The following MTERF4 variants were observed in gnomAD, a reference collection of about 807,000 sequenced individuals.
MTERF4 encodes the protein transcription termination factor 4, mitochondrial.
In MTERF4, 17 loss-of-function variants were observed where a neutral mutation model predicts 22.5. The observed-to-expected ratio is 0.75, with a 90% CI of 0.52 to 1.13. MTERF4 has a LOEUF of 1.13. MTERF4 is among the 50% of genes most tolerant of loss of function. MTERF4 has a pLI of 0.00. For missense variants in MTERF4, 420 were observed against 466.8 expected, an observed-to-expected ratio of 0.90 and a Z score of 0.92; for synonymous variants, 165 against 175.3, an observed-to-expected ratio of 0.94 and a Z score of 0.47.
chr2:241,077,032 T>C (rs1332161996), intron 4 of MTERF4, among the ~76,000 whole-genome samples: 2 of 151,668 alleles, frequency 1.3e-5, no homozygotes, highest in Admixed American at 6.6e-5. Flanking sequence ...TGAGCTGAGA[T>C]TGCGCCACTG....
At chr2:241,100,684 TTTC>T (rs910550704) in intron 1 of MTERF4, among the ~76,000 whole-genome samples, 200 of 152,272 alleles carry the variant, frequency 1.3e-3, no homozygotes, top group African/African-American at 4.5e-3. Context: ...TGAATAACGT[TTTC>T]TTTTCTCTAG....
chr2:241,091,305 G>T (rs962416160), downstream of MTERF4, among the ~76,000 whole-genome samples: 1 of 152,228 alleles, frequency 6.6e-6, no homozygotes, highest in South Asian at 2.1e-4. This position sits in a 1 kb window ranked among gnomAD's most constrained non-coding sequence, Gnocchi z 4.1. Flanking sequence ...AGTCGTTACC[G>T]GAAGGAGGAG....
downstream of MTERF4, among the ~76,000 whole-genome samples, chr2:241,085,242 G>A (rs754787483): frequency 2.6e-5 from 4 of 151,964 alleles, no homozygotes; most frequent in East Asian, 1.9e-4. Flanking sequence ...CCAGTTATGC[G>A]TGTATTAGAC....
the MTERF4 span, among the ~76,000 whole-genome samples, chr2:241,059,480 C>T: frequency 6.6e-6 from 1 of 152,182 alleles, no homozygotes; most frequent in Non-Finnish European, 1.5e-5. Flanking sequence ...ACAGACACTA[C>T]AAAATTTGAA....
chr2:241,066,468 G>A, the MTERF4 span, among the ~76,000 whole-genome samples: 1 of 152,200 alleles, frequency 6.6e-6, no homozygotes, highest in South Asian at 2.1e-4. Flanking sequence ...GAACAGGCTG[G>A]GCAGGAACCA....
At chr2:241,094,008 CT>C (rs2064220141), downstream of MTERF4, 1 of 253,882 alleles carries the variant, frequency 3.9e-6, no homozygotes, top group African/African-American at 2.3e-5. The surrounding 1 kb of genome is among the most constrained non-coding windows in gnomAD (Gnocchi z 4.3). Flanking sequence ...CTACTTAGTC[CT>C]CCGACTGGGT....
In MTERF4 at chr2:241,096,016, GTCCTCA is replaced by G. The variant is rs754248094; in HGVS notation, c.1122_1127del (p.Glu375_Asp376del). On this transcript the variant is annotated inframe_deletion, in exon 4 of 4. Coordinates refer to ENST00000391980, the MANE Select transcript of MTERF4 (RefSeq NM_182501.4). This position sits in a 1 kb window ranked among gnomAD's most constrained non-coding sequence, Gnocchi z 5.1. ...ATCACAGCTATTCCTCCTCGTCGTC[GTCCTCA>G]TCCTCATCATTGTCCTCCGCCTCGT... The G allele has an allele frequency of 3.3e-5, 53 of 1,613,552 alleles. No homozygotes were observed. The highest frequency in any genetic ancestry group is 4.2e-5 in the Non-Finnish European group (50 of 1,179,836).
exon 5 of MTERF4, chr2:241,072,984 G>A: frequency 4.2e-6 from 2 of 475,420 alleles, no homozygotes; most frequent in Non-Finnish European, 7.4e-6. Context: ...CCGTGAGGAT[G>A]GGGCCTCTCA....
At chr2:241,065,755 G>A in the MTERF4 span, among the ~76,000 whole-genome samples, 1 of 152,234 alleles carries the variant, frequency 6.6e-6, no homozygotes, top group Non-Finnish European at 1.5e-5. Flanking sequence ...CCGCCCTGCT[G>A]GAGACAGAGC....
the MTERF4 span, chr2:241,052,212 A>G: frequency 1.3e-6 from 2 of 1,521,638 alleles, no homozygotes; most frequent in Non-Finnish European, 9.1e-7. Context: ...CTCTCTGCAG[A>G]TGTGAAAACA....
At chr2:241,062,937 G>GCTGCAGCAC in the MTERF4 span, 1 of 1,379,980 alleles carries the variant, frequency 7.2e-7, no homozygotes, top group Non-Finnish European at 9.9e-7. Context: ...TGGGGTGACA[G>GCTGCAGCAC]CTGCAGCACA....
At chr2:241,071,669 T>TGCCGGAGCC, downstream of MTERF4, 1 of 1,557,948 alleles carries the variant, frequency 6.4e-7, no homozygotes, top group Admixed American at 1.9e-5. Flanking sequence ...CTGCCGGAGC[T>TGCCGGAGCC]GCGCCTGCTC....
chr2:241,073,513 T>C lies in MTERF4; in HGVS notation n.2649A>G. 1.4e-6 allele frequency: 1 copy of C among 694,654 alleles called. No individual in the cohort carries two copies. The highest frequency in any genetic ancestry group is 2.6e-6 in the Non-Finnish European group (1 of 382,736). The allele number at this position is 694,654 out of a possible 1,614,324, so 43.0% of individuals were successfully genotyped here. On this transcript the variant is annotated non_coding_transcript_exon_variant, in exon 5 of 5. Transcript: ENST00000464344. This position sits in a 1 kb window ranked among gnomAD's most constrained non-coding sequence, Gnocchi z 6.6. ...AGGCTGAGCACCAGGCACCCCGGTG[T>C]GGGAAGATGGGGTGAAGCTACACCA...
chr2:241,049,196 C>A, the MTERF4 span: 1 of 1,336,922 alleles, frequency 7.5e-7, no homozygotes, highest in Non-Finnish European at 1.1e-6. Flanking sequence ...AGGGAGAAAG[C>A]GGTGGATGAG....
At chr2:241,072,699 G>C (rs888074330) in exon 5 of MTERF4, 6 of 196,108 alleles carry the variant, frequency 3.1e-5, no homozygotes, top group African/African-American at 1.4e-4. Context: ...GAGAGGGCAG[G>C]CAGCTGCCCG....
At chr2:241,089,003 TC>T (rs2063737594), downstream of MTERF4, 14 of 298,794 alleles carry the variant, frequency 4.7e-5, 1 homozygote, top group South Asian at 8.1e-4. Context: ...GAAAGGAACT[TC>T]CTCTCGCCTT....
At chr2:241,053,376 C>T in the MTERF4 span, 1 of 1,503,218 alleles carries the variant, frequency 6.7e-7, no homozygotes. Context: ...ACACCCTCCT[C>T]ATCCTGGCCA....
rs1274280801 is a variant in MTERF4 at position 241,079,113 on chromosome 2, CA to C, written n.480-3432del. ...TGGGTGACAGGGTAAGACTCCATCT[CA>C]AAAAAAAAAAAAAAAAGGCCGGGCG... On this transcript the variant is annotated intron_variant and non_coding_transcript_variant, in intron 4 of 4. Coordinates refer to the MTERF4 transcript ENST00000464344. 6.2e-3 allele frequency among the ~76,000 whole-genome samples: 450 copies of C among 72,534 alleles called. 2 individuals are homozygous for C. The highest frequency in any genetic ancestry group is 0.029 in the Middle Eastern group (2 of 70). The allele number at this position is 72,534 out of a possible 152,430, so 47.6% of individuals were successfully genotyped here. A position where few individuals can be genotyped will look rare whatever the true frequency, so the allele number is the denominator to read the frequency against.
At chr2:241,064,973 G>A in the MTERF4 span, 27 of 1,549,528 alleles carry the variant, frequency 1.7e-5, no homozygotes, top group African/African-American at 1.5e-4. This position sits in a 1 kb window ranked among gnomAD's most constrained non-coding sequence, Gnocchi z 7.0. Flanking sequence ...TGGCGAGGGC[G>A]CCTCCAGTGA....
Sources: gnomAD v4.1 joint callset for allele counts (sites outside exome capture counted in the v4.1 genomes callset) on GRCh38, gnomAD v4.1.1 for gene constraint, Gnocchi (gnomAD v3.1) non-coding constraint, MANE v1.5 for transcripts, NCBI Gene and HGNC (gene_info 2026-07-23, HGNC 2026-07-21) for gene names.